The following DPP10 variants were observed in gnomAD, a reference collection of about 807,000 sequenced individuals.
The protein encoded by DPP10 is inactive dipeptidyl peptidase 10.
Under a neutral mutation model 120.9 loss-of-function variants are expected in DPP10, and 33 were observed. The ratio of observed to expected loss-of-function variants is 0.27; its 90% confidence interval spans 0.21 to 0.37. DPP10 has a LOEUF of 0.37. Ranked by LOEUF, DPP10 falls within the 10% of genes least tolerant of loss-of-function variation. DPP10 has a pLI of 1.00. For missense variants in DPP10, 816 were observed against 942.8 expected (o/e 0.87, Z 1.76); for synonymous variants, 337 against 326.1 (o/e 1.03, Z -0.36).
intron 3 of DPP10, among the ~76,000 whole-genome samples, chr2:115,445,074 A>G (rs995223108): frequency 6.6e-6 from 1 of 152,022 alleles, no homozygotes; most frequent in Non-Finnish European, 1.5e-5. Flanking sequence ...AAGTGTGGTT[A>G]CCCTGCTCTC....
At chr2:115,464,877 T>A (rs994035835) in intron 3 of DPP10, among the ~76,000 whole-genome samples, 13 of 152,096 alleles carry the variant, frequency 8.5e-5, no homozygotes, top group Non-Finnish European at 1.6e-4. Flanking sequence ...TCATACTTAC[T>A]CAGTTCACAG....
intron 1 of DPP10, among the ~76,000 whole-genome samples, chr2:114,529,139 A>G (rs1292672038): frequency 1.3e-5 from 2 of 151,986 alleles, no homozygotes; most frequent in Non-Finnish European, 2.9e-5. Flanking sequence ...GGCTTTGGTA[A>G]ACTGCCCCTC....
chr2:114,804,836 C>A (rs1420750958), intron 1 of DPP10, among the ~76,000 whole-genome samples: 3 of 152,126 alleles, frequency 2.0e-5, no homozygotes, highest in Non-Finnish European at 4.4e-5. Context: ...TGAGTTAAGA[C>A]TTTGCAGGAC....
intron 5 of DPP10, among the ~76,000 whole-genome samples, chr2:115,686,156 G>C (rs916281840): frequency 6.6e-6 from 1 of 151,852 alleles, no homozygotes; most frequent in African/African-American, 2.4e-5. Flanking sequence ...TCACATTTTT[G>C]TGCTTTCTGT....
intron 5 of DPP10, among the ~76,000 whole-genome samples, chr2:115,553,329 G>A (rs1473565860): frequency 6.6e-6 from 1 of 151,728 alleles, no homozygotes; most frequent in Non-Finnish European, 1.5e-5. Flanking sequence ...TATTCTTCTT[G>A]CTCATCTAAA....
At chr2:115,634,428 C>A (rs2086153557) in intron 5 of DPP10, among the ~76,000 whole-genome samples, 1 of 152,018 alleles carries the variant, frequency 6.6e-6, no homozygotes, top group Non-Finnish European at 1.5e-5. Context: ...TTGTTGCTTT[C>A]TGTTTGTTTA....
At chr2:115,602,906 C>T (rs2083422925) in intron 5 of DPP10, among the ~76,000 whole-genome samples, 1 of 152,020 alleles carries the variant, frequency 6.6e-6, no homozygotes, top group African/African-American at 2.4e-5. Flanking sequence ...GAAATAATTT[C>T]CAAAAATTAT....
In DPP10 at chr2:114,580,478, A is replaced by G. The variant is rs185272885; in HGVS notation, c.60+137640A>G. On this transcript the variant is annotated intron_variant, in intron 1 of 25. Coordinates refer to ENST00000410059, the MANE Select transcript of DPP10 (RefSeq NM_020868.6). ...ACTCTAGATCAAGGCCAAGAGAGAC[A>G]GAGAGACACAGCACACTGGCTTTGT... Among the ~76,000 whole-genome samples, 9 of 152,360 alleles carry G rather than the reference A, an allele frequency of 5.9e-5. No individual in the cohort carries two copies. In the East Asian group the frequency reaches 1.7e-3, roughly 29 times the overall value.
At chr2:115,519,746 C>T (rs1424928646) in intron 4 of DPP10, among the ~76,000 whole-genome samples, 3 of 152,008 alleles carry the variant, frequency 2.0e-5, no homozygotes, top group Admixed American at 1.3e-4. Context: ...TCTTGATTTC[C>T]CTTTTCTTCT....
intron 3 of DPP10, among the ~76,000 whole-genome samples, chr2:115,427,165 G>A (rs1287116295): frequency 6.6e-6 from 1 of 152,036 alleles, no homozygotes; most frequent in Non-Finnish European, 1.5e-5. Context: ...CTGCTCCTGT[G>A]TCTTTTCCGC....
chr2:115,262,917 C>T (rs1206461375), intron 1 of DPP10, among the ~76,000 whole-genome samples: 1 of 152,036 alleles, frequency 6.6e-6, no homozygotes, highest in East Asian at 1.9e-4. Context: ...AAACCAAAAT[C>T]ATGGTACTTG....
At chr2:114,555,942 G>C (rs985665236) in intron 1 of DPP10, among the ~76,000 whole-genome samples, 2 of 152,064 alleles carry the variant, frequency 1.3e-5, no homozygotes, top group Admixed American at 6.6e-5. Context: ...AGGAAGGCAT[G>C]GATGGGAAGA....
chr2:114,542,047 TCC>T (rs1491139881), intron 1 of DPP10, among the ~76,000 whole-genome samples: 4 of 80,910 alleles, frequency 4.9e-5, no homozygotes, highest in Non-Finnish European at 8.9e-5. Flanking sequence ...TTTCTTTCTT[TCC>T]TTTTTTTTTT....
intron 19 of DPP10, among the ~76,000 whole-genome samples, chr2:115,796,986 T>C (rs1684608638): frequency 6.6e-6 from 1 of 152,146 alleles, no homozygotes; most frequent in South Asian, 2.1e-4. Flanking sequence ...TAGTCCACCG[T>C]ATTATGATAA....
chr2:115,016,025 A>G (rs1284289616), intron 1 of DPP10, among the ~76,000 whole-genome samples: 1 of 152,222 alleles, frequency 6.6e-6, no homozygotes, highest in Non-Finnish European at 1.5e-5. Flanking sequence ...GAACCAAAAA[A>G]GAGCCCATAT....
chr2:114,931,240 T>C (rs911312977), intron 1 of DPP10, among the ~76,000 whole-genome samples: 1 of 152,188 alleles, frequency 6.6e-6, no homozygotes, highest in Admixed American at 6.5e-5. Flanking sequence ...TACCTGAAGC[T>C]GGGAAATTTA....
intron 1 of DPP10, among the ~76,000 whole-genome samples, chr2:114,549,773 G>A (rs1439702810): frequency 6.6e-6 from 1 of 151,624 alleles, no homozygotes; most frequent in Non-Finnish European, 1.5e-5. Flanking sequence ...GAGACAGCTG[G>A]ACTCACACAT....
chr2:114,797,689 A>G (rs1683833086), intron 1 of DPP10, among the ~76,000 whole-genome samples: 1 of 152,226 alleles, frequency 6.6e-6, no homozygotes. Context: ...ATGACTTCAT[A>G]AATAAATACA....
intron 9 of DPP10, among the ~76,000 whole-genome samples, chr2:115,741,152 G>C (rs1677211377): frequency 6.6e-6 from 1 of 152,010 alleles, no homozygotes; most frequent in Non-Finnish European, 1.5e-5. Flanking sequence ...CTTGAATATT[G>C]AGGATCAGAA....
Sources: allele counts gnomAD v4.1 joint callset (sites outside exome capture counted in the v4.1 genomes callset), GRCh38; gene constraint gnomAD v4.1.1; transcripts MANE v1.5; gene names NCBI Gene and HGNC (gene_info 2026-07-23, HGNC 2026-07-21).